FBN3: variants seen among roughly 807,000 people sequenced by gnomAD.
FBN3 encodes the protein fibrillin-3.
A neutral mutation model predicts 330.1 loss-of-function variants in FBN3; 234 were observed. That is an observed-to-expected ratio of 0.71 (90% confidence interval 0.64 to 0.79). The LOEUF (loss-of-function observed/expected upper bound fraction) is 0.79. FBN3 is among the 30% of genes least tolerant of loss of function. The probability of loss-of-function intolerance (pLI) is 0.00; values close to 1 mark genes in which losing one functional copy is unlikely to be tolerated. For missense variants in FBN3, 3,606 were observed against 3,886.9 expected, an observed-to-expected ratio of 0.93 and a Z score of 1.92; for synonymous variants, 1,458 against 1,517.3, an observed-to-expected ratio of 0.96 and a Z score of 0.91.
At position 8,135,991 on chromosome 19, in the gene FBN3, C is replaced by T. The variant is rs1454120075; in HGVS notation, c.1561G>A (p.Glu521Lys). The part of the protein sequence containing the change: ...SFQCVCNAGF[E>K]LSPDGKNCVD... ...CAGTTCTTGCCGTCAGGGCTGAGCT[C>T]GAAGCCTGCATTGCAGACACACTGG... is the stretch of plus-strand genomic sequence containing the variant. Residue 521 changes from glutamate (E) to lysine (K), a missense_variant, in exon 13 of 64, where the codon GAG becomes AAG. By Grantham distance (56) the Glu-to-Lys change is moderately conservative. Coordinates refer to ENST00000600128, the MANE Select transcript of FBN3 (RefSeq NM_032447.5). 2 of 1,485,556 alleles carry T rather than the reference C, an allele frequency of 1.3e-6. No homozygotes were observed. The highest frequency in any genetic ancestry group is 2.0e-5 in the Admixed American group (1 of 49,712). 92.0% of individuals were successfully genotyped at this position (1,485,556 alleles called of 1,614,324 possible).
intron 18 of FBN3, among the ~76,000 whole-genome samples, 173 bp from the exon 19 acceptor site, chr19:8,127,005 A>G (rs1177509886): frequency 6.8e-6 from 1 of 146,788 alleles, no homozygotes; most frequent in Non-Finnish European, 1.5e-5. Context: ...GTGTGTGCTG[A>G]GCTGTGTGTG....
intron 49 of FBN3, 56 bp from the exon 50 acceptor site, chr19:8,090,015 G>A (rs45571440): frequency 0.11 from 175,348 of 1,599,048 alleles, 10,266 homozygotes; most frequent in African/African-American, 0.16. Context: ...GCCCCCAGGT[G>A]TGTGCAGGGA....
In FBN3 at chr19:8,126,505, C is replaced by T; in HGVS notation, c.2517G>A (p.Gly839=). 1 of 1,613,310 alleles carries T rather than the reference C, an allele frequency of 6.2e-7. No individual in the cohort carries two copies. The highest frequency in any genetic ancestry group is 8.5e-7 in the Non-Finnish European group (1 of 1,179,796). ...SLRSECCATL[G]AAWGSPCERC... ...GTTCGCAGGGGCTCCCCCAGGCTGCCCCGAGGGTGGCGCAGCACTCAGACC... is the reference window on the plus strand; with the variant it reads ...GTTCGCAGGGGCTCCCCCAGGCTGCTCCGAGGGTGGCGCAGCACTCAGACC... Residue 839 remains glycine (G), a synonymous_variant, in exon 20 of 64, where the codon GGG becomes GGA. Coordinates refer to ENST00000600128, the MANE Select transcript of FBN3 (RefSeq NM_032447.5).
intron 21 of FBN3, 29 bp downstream of exon 21, chr19:8,126,268 G>A (rs1383110913): frequency 1.3e-6 from 2 of 1,578,968 alleles, no homozygotes; most frequent in Non-Finnish European, 1.7e-6. Context: ...CTGGAGTAGG[G>A]GGTGAGCTGG....
At position 8,109,138 on chromosome 19, in the gene FBN3, C is replaced by G. The variant is rs1599361661; in HGVS notation, c.4618+89G>C. Reference sequence around the variant, plus strand: ...TTGGTTTTCCTGTCGCCTAAGCCCCCCACCACCGCCATTAGCAGAGGTGAC... The same window carrying G: ...TTGGTTTTCCTGTCGCCTAAGCCCCGCACCACCGCCATTAGCAGAGGTGAC... On this transcript the variant is annotated intron_variant, in intron 36 of 63. Transcript: ENST00000600128. The surrounding 1 kb of genome is among the most constrained non-coding windows in gnomAD (Gnocchi z 5.2). The G allele has an allele frequency of 2.3e-6, 3 of 1,319,504 alleles. No homozygotes were observed. The highest frequency in any genetic ancestry group is 5.2e-4 in the Middle Eastern group (2 of 3,816). 81.7% of individuals were successfully genotyped at this position (1,319,504 alleles called of 1,614,324 possible).
intron 8 of FBN3, 113 bp downstream of exon 8, chr19:8,141,604 C>T (rs2145039651): frequency 8.1e-7 from 1 of 1,235,962 alleles, no homozygotes; most frequent in Non-Finnish European, 1.1e-6. Context: ...GGGACAAGGT[C>T]AGAACTGGGC....
At chr19:8,066,529 C>T (rs2081394631) in intron 63 of FBN3, among the ~76,000 whole-genome samples, 1 of 152,106 alleles carries the variant, frequency 6.6e-6, no homozygotes, top group African/African-American at 2.4e-5. Flanking sequence ...TACCCATGGA[C>T]ATAAAGATGG....
chr19:8,073,677 C>T (rs8112016), intron 61 of FBN3, among the ~76,000 whole-genome samples: 95,514 of 152,048 alleles, frequency 0.63, 31,759 homozygotes, highest in African/African-American at 0.85. Context: ...AAAACCTATC[C>T]GCCTCCAATT....
chr19:8,094,459 ACT>A lies in FBN3; in HGVS notation c.5890_5891del (p.Ser1964Ter). 2 of 1,613,240 alleles carry A rather than the reference ACT, an allele frequency of 1.2e-6. No homozygotes were observed. The highest frequency in any genetic ancestry group is 1.7e-6 in the Non-Finnish European group (2 of 1,179,516). On this transcript the variant is annotated frameshift_variant, in exon 47 of 64. Transcript: ENST00000600128. LOFTEE classifies it high-confidence loss of function. Reference sequence around the variant, plus strand: ...CTGGACACTCACCAATGCAGTGGTCACTCTGCACCTGGAAGCCAGGGGGACAG... The same window carrying A: ...CTGGACACTCACCAATGCAGTGGTCACTGCACCTGGAAGCCAGGGGGACAG... The part of the protein sequence containing the change: ...CICPPGFQVQ[S>X]DHCIDIDECS...
chr19:8,122,242 T>C (rs1266826297), intron 24 of FBN3, among the ~76,000 whole-genome samples: 1 of 151,726 alleles, frequency 6.6e-6, no homozygotes, highest in African/African-American at 2.4e-5. Context: ...TCTCAAACTC[T>C]TGGGCTCAAG....
Position 8,081,493 on chromosome 19 carries a change from A to G in FBN3, c.7214-13T>C. 8.8e-6 allele frequency: 14 copies of G among 1,593,376 alleles called. No homozygotes were observed. Among genetic ancestry groups the G allele is most frequent in the Non-Finnish European group, 1.2e-5 (14 of 1,170,762 alleles). ...CACTCATCCATATCTGGGGAAGGAC[A>G]GCGTGGGTAGTGGGGCGGGGTTAGA... On this transcript the variant is annotated splice_polypyrimidine_tract_variant and intron_variant, in intron 57 of 63. Transcript: ENST00000600128.
chr19:8,115,452 C>G, intron 30 of FBN3, 63 bp downstream of exon 30: 1 of 1,581,828 alleles, frequency 6.3e-7, no homozygotes, highest in Non-Finnish European at 8.6e-7. Context: ...GGAAACAGAC[C>G]CCATGATTCC....
rs764420258 is a variant in FBN3, at chr19:8,130,635, A to AGGAAGGAAGGAAGGAAGG, written c.2044+599_2044+600insCCTTCCTTCCTTCCTTCC. Among the ~76,000 whole-genome samples the AGGAAGGAAGGAAGGAAGG allele has an allele frequency of 2.0e-3, 10 of 4,896 alleles. 1 individual carries two copies. The highest frequency in any genetic ancestry group is 0.016 in the East Asian group (6 of 378). The allele number at this position is 4,896 out of a possible 152,430, so 3.2% of individuals were successfully genotyped here. A position where few individuals can be genotyped will look rare whatever the true frequency, so the allele number is the denominator to read the frequency against. ...AAGAAAGAAAGAAAGAAAGAAAGAA[A>AGGAAGGAAGGAAGGAAGG]GAAAGAAAGGAAAGGAAAGGAAAGG... On this transcript the variant is annotated intron_variant, in intron 16 of 63. Transcript: ENST00000600128.
chr19:8,117,295 C>A lies in FBN3; in HGVS notation c.3464-4G>T. 6.2e-7 allele frequency: 1 copy of A among 1,611,346 alleles called. No individual in the cohort carries two copies. The highest frequency in any genetic ancestry group is 1.1e-5 in the South Asian group (1 of 90,968). On this transcript the variant is annotated splice_polypyrimidine_tract_variant and splice_region_variant and intron_variant, in intron 27 of 63. Transcript: ENST00000600128. ...TGGACCCGGCATTCGTTGATGTCTGCAGGATGCAGGGCAGACAGGGGCTGG... is the reference window on the plus strand; with the variant it reads ...TGGACCCGGCATTCGTTGATGTCTGAAGGATGCAGGGCAGACAGGGGCTGG...
At chr19:8,119,784 G>T (rs1396716736) in intron 25 of FBN3, among the ~76,000 whole-genome samples, 1 of 145,528 alleles carries the variant, frequency 6.9e-6, no homozygotes, top group East Asian at 2.0e-4. Flanking sequence ...AAATTGCCAG[G>T]ATTACAGGTA....
chr19:8,101,129 A>G (rs549031457), intron 40 of FBN3, among the ~76,000 whole-genome samples, 157 bp from the exon 41 acceptor site: 1 of 151,960 alleles, frequency 6.6e-6, no homozygotes, highest in Non-Finnish European at 1.5e-5. Context: ...CCACTTATTT[A>G]ATTTAATTTT....
At chr19:8,130,637 AAAG>A (rs1259653490) in intron 16 of FBN3, among the ~76,000 whole-genome samples, 2 of 9,440 alleles carry the variant, frequency 2.1e-4, no homozygotes, top group Non-Finnish European at 4.8e-4. Context: ...AGAAAGAAAG[AAAG>A]AAAGGAAAGG....
At position 8,145,893 on chromosome 19, in the gene FBN3, C is replaced by T; in HGVS notation, c.395G>A (p.Gly132Glu). 6.4e-7 allele frequency: 1 copy of T among 1,551,300 alleles called. No homozygotes were observed. The highest frequency in any genetic ancestry group is 8.7e-7 in the Non-Finnish European group (1 of 1,147,004). Residue 132 changes from glycine to glutamate, a missense_variant, in exon 5 of 64, where the codon GGG (glycine) becomes GAG (glutamate). Coordinates refer to ENST00000600128, the MANE Select transcript of FBN3 (RefSeq NM_032447.5). ...VSCMNGGTCRGASCLCQKGYT... is the reference protein window; with the variant it reads ...VSCMNGGTCREASCLCQKGYT... ...GCCCTTCTGACACAGACAGGACGCC[C>T]CCCGGCAGGTGCCCCCATTCATACA...
chr19:8,071,899 A>G (rs894865175), intron 63 of FBN3, 149 bp downstream of exon 63: 5 of 788,974 alleles, frequency 6.3e-6, no homozygotes, highest in African/African-American at 1.8e-5. Context: ...GAAGGCCCTA[A>G]GCCGGCACCA....
Sources: allele counts gnomAD v4.1 joint callset (sites outside exome capture counted in the v4.1 genomes callset), GRCh38; gene constraint gnomAD v4.1.1; non-coding constraint Gnocchi (gnomAD v3.1); transcripts MANE v1.5; gene names NCBI Gene and HGNC (gene_info 2026-07-23, HGNC 2026-07-21).